DIP2C: variants seen among roughly 807,000 people sequenced by gnomAD.
DIP2C encodes disco-interacting protein 2 homolog C.
Under a neutral mutation model 192.4 loss-of-function variants are expected in DIP2C, and 33 were observed. That is an observed-to-expected ratio of 0.17 (90% confidence interval 0.13 to 0.23). DIP2C has a LOEUF of 0.23. Ranked by LOEUF, DIP2C falls within the 10% of genes least tolerant of loss-of-function variation. The pLI is 1.00. For synonymous variants in DIP2C, 979 were observed against 864.1 expected, an observed-to-expected ratio of 1.13 and a Z score of -2.33; for missense variants, 1,537 against 2,110.1, an observed-to-expected ratio of 0.73 and a Z score of 5.32.
intron 3 of DIP2C, among the ~76,000 whole-genome samples, chr10:460,560 TAAC>T (rs1177808115): frequency 1.3e-5 from 2 of 152,104 alleles, no homozygotes; most frequent in African/African-American, 4.8e-5. Flanking sequence ...ATGTAAGCAA[TAAC>T]AAAATTATTT....
rs928291159 is a variant in DIP2C, at chr10:372,753, T to A, written c.1992-3120A>T. On this transcript the variant is annotated intron_variant, in intron 17 of 36. Coordinates refer to ENST00000280886, the MANE Select transcript of DIP2C (RefSeq NM_014974.3). ...ACACAGGCGGGCACAGAAGCACGGG[T>A]GCTCCCGACACACAGGTGGGCACAG... 3.2e-3 allele frequency among the ~76,000 whole-genome samples: 477 copies of A among 148,906 alleles called. 1 individual carries two copies. Among genetic ancestry groups the A allele is most frequent in the Middle Eastern group, 0.01 (3 of 288 alleles).
intron 10 of DIP2C, among the ~76,000 whole-genome samples, chr10:397,843 G>T (rs560078229): frequency 6.6e-6 from 1 of 152,200 alleles, no homozygotes; most frequent in Non-Finnish European, 1.5e-5. Context: ...CCTCAGCCAA[G>T]GACATTCCAA....
At chr10:620,074 G>A (rs1262504013) in intron 1 of DIP2C, among the ~76,000 whole-genome samples, 2 of 152,214 alleles carry the variant, frequency 1.3e-5, no homozygotes, top group Non-Finnish European at 2.9e-5. Context: ...ACAATTCACA[G>A]TAGTGATTGC....
At chr10:482,895 T>C (rs1428223251) in intron 2 of DIP2C, among the ~76,000 whole-genome samples, 1 of 152,220 alleles carries the variant, frequency 6.6e-6, no homozygotes, top group South Asian at 2.1e-4. Flanking sequence ...GAGAGCGAAG[T>C]GGGCAGCTTC....
At chr10:431,902 T>C (rs903938140) in intron 4 of DIP2C, among the ~76,000 whole-genome samples, 2 of 152,204 alleles carry the variant, frequency 1.3e-5, no homozygotes, top group Non-Finnish European at 2.9e-5. Context: ...ATATTCTTTA[T>C]CAAGTTGAGG....
chr10:421,819 A>G (rs1966204302), intron 5 of DIP2C, among the ~76,000 whole-genome samples: 1 of 152,210 alleles, frequency 6.6e-6, no homozygotes, highest in African/African-American at 2.4e-5. Flanking sequence ...GTTATTGGGA[A>G]AAGTGAGACA....
At chr10:663,089 T>C (rs1588715239) in intron 1 of DIP2C, 1 of 581,712 alleles carries the variant, frequency 1.7e-6, no homozygotes, top group South Asian at 2.4e-5. Context: ...CACTCTCCAG[T>C]GGGCAGCCTG....
At chr10:348,836 T>C in intron 25 of DIP2C, 74 bp from the exon 26 acceptor site, 1 of 1,573,402 alleles carries the variant, frequency 6.4e-7, no homozygotes, top group Non-Finnish European at 8.6e-7. Flanking sequence ...TCAGCATCAA[T>C]GCTTGTCTGG....
chr10:298,453 C>T (rs541346470), intron 32 of DIP2C, among the ~76,000 whole-genome samples: 13 of 152,362 alleles, frequency 8.5e-5, no homozygotes, highest in African/African-American at 2.9e-4. Context: ...TTCCCCGTCC[C>T]TTCCACATGC....
chr10:547,632 C>T (rs895900678), intron 1 of DIP2C, among the ~76,000 whole-genome samples: 5 of 152,120 alleles, frequency 3.3e-5, no homozygotes, highest in Admixed American at 2.6e-4. Flanking sequence ...GAAGATTATC[C>T]GATTTGATCT....
intron 3 of DIP2C, among the ~76,000 whole-genome samples, chr10:452,628 T>G (rs571796003): frequency 1.3e-5 from 2 of 152,202 alleles, no homozygotes; most frequent in African/African-American, 4.8e-5. Flanking sequence ...ACGTGACACC[T>G]AGAGGGAAGC....
At chr10:279,293 C>T (rs1412671086) in intron 36 of DIP2C, among the ~76,000 whole-genome samples, 1 of 152,084 alleles carries the variant, frequency 6.6e-6, no homozygotes, top group Non-Finnish European at 1.5e-5. Flanking sequence ...CAGATATAGA[C>T]GTCTCAGGCG....
At chr10:532,531 G>C (rs1216943657) in intron 1 of DIP2C, among the ~76,000 whole-genome samples, 2 of 134,720 alleles carry the variant, frequency 1.5e-5, no homozygotes, top group Non-Finnish European at 3.4e-5. Context: ...GGGTGTGTGA[G>C]AGAGTATGGG....
chr10:419,602 G>A (rs7915562), intron 5 of DIP2C, among the ~76,000 whole-genome samples: 65,899 of 151,924 alleles, frequency 0.43, 14,846 homozygotes, highest in African/African-American at 0.53. Flanking sequence ...AACTTCTGGG[G>A]ATTTTGGGAT....
Position 349,319 on chromosome 10 carries a change from C to T in DIP2C, c.3109+12G>A, listed in dbSNP as rs1174280065. 6.2e-7 allele frequency: 1 copy of T among 1,600,196 alleles called. No homozygotes were observed. The highest frequency in any genetic ancestry group is 8.5e-7 in the Non-Finnish European group (1 of 1,174,752). On this transcript the variant is annotated intron_variant, in intron 25 of 36. Transcript: ENST00000280886. Reference sequence around the variant, plus strand: ...TGCCATCTCTCAGGGGAAGCCCACCCTGCGCCTGTACCTGGGGGGTAGACC... The same window carrying T: ...TGCCATCTCTCAGGGGAAGCCCACCTTGCGCCTGTACCTGGGGGGTAGACC...
intron 9 of DIP2C, among the ~76,000 whole-genome samples, chr10:408,520 T>C (rs1189833233): frequency 6.6e-6 from 1 of 152,228 alleles, no homozygotes. Flanking sequence ...GCTTAAGTAA[T>C]CAAAGCTCAT....
chr10:650,339 C>T (rs1158779614), intron 1 of DIP2C: 1 of 717,202 alleles, frequency 1.4e-6, no homozygotes, highest in Non-Finnish European at 2.6e-6. Context: ...AGCCCACAGC[C>T]ACTGCAAGCC....
chr10:568,869 C>CAT (rs376897746), intron 1 of DIP2C, among the ~76,000 whole-genome samples: 9 of 147,806 alleles, frequency 6.1e-5, no homozygotes, highest in African/African-American at 2.0e-4. Context: ...TGCAATGAGC[C>CAT]ATCTCAGAGC....
At chr10:460,049 G>C (rs1969642575) in intron 3 of DIP2C, among the ~76,000 whole-genome samples, 1 of 150,162 alleles carries the variant, frequency 6.7e-6, no homozygotes, top group African/African-American at 2.5e-5. Context: ...CTGCACATGA[G>C]CTCTAGTATC....
Sources: gnomAD v4.1 joint callset for allele counts (sites outside exome capture counted in the v4.1 genomes callset) on GRCh38, gnomAD v4.1.1 for gene constraint, MANE v1.5 for transcripts, NCBI Gene and HGNC (gene_info 2026-07-23, HGNC 2026-07-21) for gene names.